The following RNF8 variants were observed in gnomAD, a reference collection of about 807,000 sequenced individuals.
The protein encoded by RNF8 is ring finger protein 8.
Under a neutral mutation model 59.3 loss-of-function variants are expected in RNF8, and 8 were observed. That is an observed-to-expected ratio of 0.13 (90% CI 0.08 to 0.24). RNF8 has a LOEUF of 0.24. Ranked by LOEUF, RNF8 falls within the 10% of genes least tolerant of loss-of-function variation. The pLI is 1.00. For missense variants in RNF8, 406 were observed against 572.6 expected (o/e 0.71, Z 2.97); for synonymous variants, 162 against 200.0 (o/e 0.81, Z 1.60).
chr6:37,380,978 C>T (rs984414980), intron 6 of RNF8, among the ~76,000 whole-genome samples, 172 bp from the exon 7 acceptor site: 24 of 152,128 alleles, frequency 1.6e-4, no homozygotes, highest in Middle Eastern at 3.2e-3. Context: ...CCATCATGCC[C>T]GGCCCAACCC....
At chr6:37,363,144 A>G (rs1769392645) in intron 2 of RNF8, among the ~76,000 whole-genome samples, 1 of 152,122 alleles carries the variant, frequency 6.6e-6, no homozygotes, top group African/African-American at 2.4e-5. Flanking sequence ...GTTCTTCTGC[A>G]GACTCTGGCA....
chr6:37,365,604 A>C (rs894037032), intron 2 of RNF8, among the ~76,000 whole-genome samples: 1 of 152,196 alleles, frequency 6.6e-6, no homozygotes, highest in Non-Finnish European at 1.5e-5. Flanking sequence ...ACTTTCCTCA[A>C]TAACTGTTTA....
intron 2 of RNF8, chr6:37,361,329 TGGGAGCAGGGGA>T (rs1400862168): frequency 4.4e-6 from 2 of 455,350 alleles, no homozygotes; most frequent in Non-Finnish European, 8.8e-6. Flanking sequence ...GGTGTCCTCC[TGGGAGCAGGGGA>T]CCACCAGTTT....
At chr6:37,370,724 C>T (rs1769769488) in intron 3 of RNF8, among the ~76,000 whole-genome samples, 2 of 146,678 alleles carry the variant, frequency 1.4e-5, no homozygotes, top group Non-Finnish European at 1.5e-5. Context: ...TTTAAGTACT[C>T]AAATTGCCTG....
chr6:37,362,556 A>G (rs1439622895), intron 2 of RNF8, among the ~76,000 whole-genome samples: 1 of 152,168 alleles, frequency 6.6e-6, no homozygotes, highest in Non-Finnish European at 1.5e-5. Context: ...GTTTTGATGG[A>G]ACAATTCTTA....
rs189110938 is a variant in RNF8, at chr6:37,378,831, T to C, written c.1236+1798T>C. Reference sequence around the variant, plus strand: ...TGTTGTTTTGACAGGGCTTATGGACTCTATAAGAGGAAGACAAGGAACGGG... The same window carrying C: ...TGTTGTTTTGACAGGGCTTATGGACCCTATAAGAGGAAGACAAGGAACGGG... On this transcript the variant is annotated intron_variant, in intron 6 of 7. Coordinates refer to ENST00000373479, the MANE Select transcript of RNF8 (RefSeq NM_003958.4). Among the ~76,000 whole-genome samples, 6 of 152,164 alleles carry C rather than the reference T, an allele frequency of 3.9e-5. No homozygotes were observed. The East Asian group carries it at 1.2e-3, about 29-fold the overall frequency.
intron 2 of RNF8, among the ~76,000 whole-genome samples, chr6:37,361,978 G>T (rs1281895868): frequency 6.6e-6 from 1 of 152,182 alleles, no homozygotes; most frequent in African/African-American, 2.4e-5. Context: ...AAGTTTCTCT[G>T]CTATGCCCTG....
chr6:37,356,553 G>A (rs750206276), intron 1 of RNF8, among the ~76,000 whole-genome samples: 1 of 152,198 alleles, frequency 6.6e-6, no homozygotes. Flanking sequence ...GCAATGCATA[G>A]AGTTTGGTGG....
chr6:37,369,780 A>T (rs886353798), intron 3 of RNF8: 2 of 153,846 alleles, frequency 1.3e-5, no homozygotes, highest in Non-Finnish European at 2.9e-5. Context: ...TTTTGTTTCT[A>T]TTTTGAGCAG....
chr6:37,371,588 A>T lies in RNF8; in HGVS notation c.1038+14A>T. The T allele has an allele frequency of 6.2e-7, 1 of 1,610,538 alleles. No individual in the cohort carries two copies. Among genetic ancestry groups the T allele is most frequent in the Non-Finnish European group, 8.5e-7 (1 of 1,177,038 alleles). ...GCTCTGCAGGAGGTAACTTTGCCATAGTACTAAGATTATAGTGGGCTGTGG... is the reference window on the plus strand; with the variant it reads ...GCTCTGCAGGAGGTAACTTTGCCATTGTACTAAGATTATAGTGGGCTGTGG... On this transcript the variant is annotated intron_variant, in intron 4 of 7. Coordinates refer to ENST00000373479, the MANE Select transcript of RNF8 (RefSeq NM_003958.4).
intron 1 of RNF8, among the ~76,000 whole-genome samples, chr6:37,355,326 G>T (rs969379419): frequency 6.6e-6 from 1 of 152,186 alleles, no homozygotes; most frequent in Non-Finnish European, 1.5e-5. Flanking sequence ...GTAAATTCAA[G>T]AAGTATTTTG....
intron 7 of RNF8, among the ~76,000 whole-genome samples, chr6:37,381,784 C>T (rs746987918): frequency 6.6e-6 from 1 of 152,292 alleles, no homozygotes; most frequent in Non-Finnish European, 1.5e-5. Flanking sequence ...TGCTGACTTG[C>T]AAGCACCTGT....
chr6:37,381,966 T>C (rs1230804674), intron 7 of RNF8, among the ~76,000 whole-genome samples: 2 of 152,194 alleles, frequency 1.3e-5, no homozygotes, highest in South Asian at 2.1e-4. Flanking sequence ...TTTACCACTT[T>C]ACTAACAGCT....
rs1284025535 is a variant in RNF8 at position 37,360,689 on chromosome 6, G to A, written c.240+115G>A. 1 of 1,054,828 alleles carries A rather than the reference G, an allele frequency of 9.5e-7. No homozygotes were observed. The highest frequency in any genetic ancestry group is 1.6e-5 in the African/African-American group (1 of 61,188). 65.3% of individuals were successfully genotyped at this position (1,054,828 alleles called of 1,614,324 possible). A position where few individuals can be genotyped will look rare whatever the true frequency, so the allele number is the denominator to read the frequency against. On this transcript the variant is annotated intron_variant, in intron 2 of 7. Coordinates refer to ENST00000373479, the MANE Select transcript of RNF8 (RefSeq NM_003958.4). This position sits in a 1 kb window ranked among gnomAD's most constrained non-coding sequence, Gnocchi z 4.2. ...CAAAAGTATAACTTCTTCTTTCCTA[G>A]CCATCCAGTTCCCTTTTCCAGAGGC...
At chr6:37,374,434 C>T (rs541390690) in intron 4 of RNF8, among the ~76,000 whole-genome samples, 186 bp from the exon 5 acceptor site, 17 of 152,264 alleles carry the variant, frequency 1.1e-4, no homozygotes, top group African/African-American at 3.9e-4. Flanking sequence ...ACTGCCCTCT[C>T]CCCTGAAAAA....
intron 2 of RNF8, among the ~76,000 whole-genome samples, chr6:37,367,741 T>C (rs1769618707): frequency 6.6e-6 from 1 of 152,218 alleles, no homozygotes; most frequent in Non-Finnish European, 1.5e-5. Context: ...ATGTGAGTCA[T>C]TGTGCTAAGT....
intron 2 of RNF8, among the ~76,000 whole-genome samples, chr6:37,367,628 T>A (rs1363590684): frequency 6.6e-6 from 1 of 152,184 alleles, no homozygotes; most frequent in African/African-American, 2.4e-5. Context: ...GGTCTTGAAC[T>A]CCTGGCCTCA....
chr6:37,370,389 T>C (rs1040802870), intron 3 of RNF8: 1 of 152,200 alleles, frequency 6.6e-6, no homozygotes, highest in Admixed American at 6.5e-5. Context: ...TATCACACCT[T>C]CACCAGGACA....
chr6:37,387,266 C>T (rs777313157), intron 7 of RNF8, among the ~76,000 whole-genome samples: 6 of 152,178 alleles, frequency 3.9e-5, no homozygotes, highest in Non-Finnish European at 7.3e-5. Flanking sequence ...CTTTCTGTAT[C>T]CTGGAGAGTT....
Sources: allele counts gnomAD v4.1 joint callset (sites outside exome capture counted in the v4.1 genomes callset), GRCh38; gene constraint gnomAD v4.1.1; non-coding constraint Gnocchi (gnomAD v3.1); transcripts MANE v1.5; gene names NCBI Gene and HGNC (gene_info 2026-07-23, HGNC 2026-07-21).